EGFLAM: variants seen among roughly 807,000 people sequenced by gnomAD.
The protein encoded by EGFLAM is EGF like, fibronectin type III and laminin G domains, also known as pikachurin.
In EGFLAM, 79 loss-of-function variants were observed where a neutral mutation model predicts 113.1. The observed-to-expected ratio is 0.70, with a 90% CI of 0.58 to 0.84. The LOEUF is 0.84. Among genes scored for constraint, EGFLAM ranks in the 40% least tolerant of loss-of-function variants. The pLI, the probability that EGFLAM is intolerant of heterozygous loss-of-function variation, is 0.00. For synonymous variants in EGFLAM, 504 were observed against 487.6 expected (o/e 1.03, Z -0.44); for missense variants, 1,265 against 1,291.6 (o/e 0.98, Z 0.32).
At chr5:38,296,012 C>A (rs1239786462) in intron 1 of EGFLAM, among the ~76,000 whole-genome samples, 1 of 152,044 alleles carries the variant, frequency 6.6e-6, no homozygotes, top group African/African-American at 2.4e-5. Flanking sequence ...GGACGGGTTG[C>A]CATGTCTGTT....
intron 1 of EGFLAM, among the ~76,000 whole-genome samples, chr5:38,306,215 A>G (rs1393908516): frequency 2.6e-5 from 4 of 152,372 alleles, no homozygotes; most frequent in Non-Finnish European, 1.5e-5. Context: ...GGCCTAATGA[A>G]TAGAAATCTT....
chr5:38,315,975 G>A (rs1318743759), intron 1 of EGFLAM, among the ~76,000 whole-genome samples: 1 of 151,462 alleles, frequency 6.6e-6, no homozygotes, highest in Non-Finnish European at 1.5e-5. Context: ...TACTCAGGAG[G>A]TTGAGGCAGG....
At chr5:38,345,752 G>A (rs1174673032) in intron 3 of EGFLAM, 1 of 152,176 alleles carries the variant, frequency 6.6e-6, no homozygotes, top group Non-Finnish European at 1.5e-5. Context: ...ACAAAACAAA[G>A]CAAAAGACTG....
At chr5:38,453,887 T>A (rs1177368262) in intron 19 of EGFLAM, among the ~76,000 whole-genome samples, 1 of 152,148 alleles carries the variant, frequency 6.6e-6, no homozygotes. Context: ...TGCCCAGCCC[T>A]GGAGAGCCCC....
intron 1 of EGFLAM, among the ~76,000 whole-genome samples, chr5:38,306,647 G>A (rs1213283363): frequency 3.3e-5 from 5 of 152,166 alleles, no homozygotes; most frequent in African/African-American, 1.2e-4. Context: ...TCAGACTAGT[G>A]AGAAAGATCA....
At chr5:38,342,421 C>T (rs7728898) in intron 3 of EGFLAM, among the ~76,000 whole-genome samples, 7,995 of 152,156 alleles carry the variant, frequency 0.053, 720 homozygotes, top group African/African-American at 0.18. Context: ...AAGATAGGAC[C>T]GATTACCTTA....
At position 38,462,900 on chromosome 5, in the gene EGFLAM, T is replaced by G; in HGVS notation, c.2772-8T>G. On this transcript the variant is annotated splice_polypyrimidine_tract_variant and splice_region_variant and intron_variant, in intron 20 of 21. Transcript: ENST00000322350. ...CTTTTTGTTCTTTTTTGTTTTGGTG[T>G]TTTGCAGGGATGGCCAGTCAGGAAA... is the stretch of plus-strand genomic sequence containing the variant. 6.2e-7 allele frequency: 1 copy of G among 1,614,030 alleles called. No individual in the cohort carries two copies. The highest frequency in any genetic ancestry group is 1.3e-5 in the African/African-American group (1 of 75,030).
chr5:38,323,402 G>A (rs1738790166), intron 1 of EGFLAM, among the ~76,000 whole-genome samples: 1 of 152,134 alleles, frequency 6.6e-6, no homozygotes, highest in South Asian at 2.1e-4. Context: ...CTCCCTCATA[G>A]CAAAGAAGCA....
At chr5:38,339,121 T>C (rs1208613188) in intron 3 of EGFLAM, among the ~76,000 whole-genome samples, 1 of 152,186 alleles carries the variant, frequency 6.6e-6, no homozygotes. Flanking sequence ...ATAAAAGCTT[T>C]ATAAATAAAT....
At chr5:38,448,210 C>A in intron 17 of EGFLAM, 91 bp from the exon 18 acceptor site, 1 of 1,340,464 alleles carries the variant, frequency 7.5e-7, no homozygotes. Context: ...CATCCTATTT[C>A]CAGGAGCTGG....
intron 4 of EGFLAM, among the ~76,000 whole-genome samples, chr5:38,351,240 C>T (rs1277616387): frequency 1.3e-5 from 2 of 151,922 alleles, no homozygotes; most frequent in Non-Finnish European, 2.9e-5. Context: ...TCCCGAGTAG[C>T]TGGAACTATA....
chr5:38,456,777 C>G (rs1335608167), intron 19 of EGFLAM, among the ~76,000 whole-genome samples: 1 of 152,190 alleles, frequency 6.6e-6, no homozygotes, highest in African/African-American at 2.4e-5. Context: ...ACATCCCTCT[C>G]TCTTGGGCAA....
At chr5:38,355,911 C>T (rs1295044129) in intron 5 of EGFLAM, among the ~76,000 whole-genome samples, 2 of 152,144 alleles carry the variant, frequency 1.3e-5, no homozygotes, top group East Asian at 3.9e-4. Context: ...CAGGCACCCA[C>T]CACGATGCCT....
chr5:38,335,213 G>T (rs1561282567), intron 1 of EGFLAM, among the ~76,000 whole-genome samples: 1 of 152,188 alleles, frequency 6.6e-6, no homozygotes, highest in Non-Finnish European at 1.5e-5. Context: ...GAAAATGTAT[G>T]TACTCGATAA....
intron 6 of EGFLAM, among the ~76,000 whole-genome samples, chr5:38,388,607 T>C (rs931178464): frequency 6.6e-6 from 1 of 151,248 alleles, no homozygotes; most frequent in Non-Finnish European, 1.5e-5. Flanking sequence ...TATGTATATA[T>C]AAATTAGCCC....
chr5:38,438,375 A>T lies in EGFLAM; in HGVS notation c.2384A>T (p.His795Leu). Reference protein sequence around the residue: ...AHPCVRAPCAHGGSCRPRKEG... With the variant: ...AHPCVRAPCALGGSCRPRKEG... ...CCCTGTGTGAGAGCCCCTTGTGCCC[A>T]TGGGGGCAGCTGCCGGCCCAGGAAG... The change falls in exon 17 of 22, where the codon CAT (histidine) becomes CTT (leucine). Residue 795 changes from histidine (H) to leucine (L), a missense_variant. Physicochemically the swap from His to Leu is moderately conservative, Grantham distance 99 (BLOSUM62 -3). Coordinates refer to ENST00000322350, the MANE Select transcript of EGFLAM (RefSeq NM_152403.4). The T allele has an allele frequency of 1.2e-6, 2 of 1,613,990 alleles. No individual in the cohort carries two copies. The highest frequency in any genetic ancestry group is 1.7e-6 in the Non-Finnish European group (2 of 1,179,958).
chr5:38,442,367 AAT>A (rs1742573958), intron 17 of EGFLAM, among the ~76,000 whole-genome samples: 1 of 147,756 alleles, frequency 6.8e-6, no homozygotes, highest in Non-Finnish European at 1.5e-5. Context: ...ATATTAACAT[AAT>A]ATGTTAATAT....
chr5:38,283,944 C>T (rs1032997404), intron 1 of EGFLAM: 1 of 152,346 alleles, frequency 6.6e-6, no homozygotes, highest in Non-Finnish European at 1.5e-5. Flanking sequence ...TTCATTAGCT[C>T]CAAACTACAG....
At chr5:38,329,228 G>T (rs992452036) in intron 1 of EGFLAM, among the ~76,000 whole-genome samples, 1 of 151,940 alleles carries the variant, frequency 6.6e-6, no homozygotes, top group Non-Finnish European at 1.5e-5. Context: ...GATGGAAGCT[G>T]CAGTGAGCTG....
Sources: allele counts gnomAD v4.1 joint callset (sites outside exome capture counted in the v4.1 genomes callset), GRCh38; gene constraint gnomAD v4.1.1; transcripts MANE v1.5; gene names NCBI Gene and HGNC (gene_info 2026-07-23, HGNC 2026-07-21).